RBMS2: variants seen among roughly 807,000 people sequenced by gnomAD.
RBMS2 encodes RNA-binding motif, single-stranded-interacting protein 2.
RBMS2 carries 38 observed loss-of-function variants against 58.4 expected under a neutral mutation model. The observed-to-expected ratio is 0.65, with a 90% CI of 0.50 to 0.85. The LOEUF (loss-of-function observed/expected upper bound fraction) is 0.85, where lower values mean the gene tolerates loss of function less well. Ranked by LOEUF, RBMS2 falls within the 40% of genes least tolerant of loss-of-function variation. The pLI, the probability that RBMS2 is intolerant of heterozygous loss-of-function variation, is 0.00. For synonymous variants in RBMS2, 151 were observed against 180.7 expected (o/e 0.84, Z 1.32); for missense variants, 367 against 503.7 (o/e 0.73, Z 2.60).
At chr12:56,583,194 T>C (rs1252523362) in intron 9 of RBMS2, among the ~76,000 whole-genome samples, 1 of 152,208 alleles carries the variant, frequency 6.6e-6, no homozygotes, top group African/African-American at 2.4e-5. Context: ...TTCTGGGGGC[T>C]AGAGTCCCAG....
chr12:56,568,770 T>C (rs1881800779), intron 2 of RBMS2, among the ~76,000 whole-genome samples: 1 of 152,144 alleles, frequency 6.6e-6, no homozygotes, highest in Admixed American at 6.6e-5. Context: ...CCTCAAGTGA[T>C]CCTCCAGCCT....
At chr12:56,582,780 T>C (rs1239985579) in intron 9 of RBMS2, among the ~76,000 whole-genome samples, 2 of 152,204 alleles carry the variant, frequency 1.3e-5, no homozygotes, top group African/African-American at 4.8e-5. Context: ...GCGATTCTCC[T>C]GTTTTAGCCT....
At chr12:56,538,394 C>T (rs1392847197) in intron 1 of RBMS2, among the ~76,000 whole-genome samples, 1 of 150,414 alleles carries the variant, frequency 6.6e-6, no homozygotes, top group Non-Finnish European at 1.5e-5. Context: ...TGAGCCACTA[C>T]ACCTAGCCCA....
At position 56,581,755 on chromosome 12, in the gene RBMS2, C is replaced by T. The variant is rs999827056; in HGVS notation, c.733-78C>T. 20 of 1,524,976 alleles carry T rather than the reference C, an allele frequency of 1.3e-5. No homozygotes were observed. The African/African-American group carries it at 2.8e-4, about 21-fold the overall frequency. 94.5% of individuals were successfully genotyped at this position (1,524,976 alleles called of 1,614,324 possible). A position where few individuals can be genotyped will look rare whatever the true frequency, so the allele number is the denominator to read the frequency against. On this transcript the variant is annotated intron_variant, in intron 7 of 13. Transcript: ENST00000262031. ...TTTAATTTGTTAAACCAAAACATTC[C>T]CAGCCTTGGACATTCTGGGCCAGCT...
Position 56,562,527 on chromosome 12 carries a change from C to T in RBMS2, c.177C>T (p.Tyr59=), listed in dbSNP as rs777429047. Residue 59 remains tyrosine (Y), a synonymous_variant, in exon 2 of 14, where the codon TAC becomes TAT. Transcript: ENST00000262031. Reference sequence around the variant, plus strand: ...ACCAGCTGAGCAAAACCAACCTATACATCCGAGGATTGCAACCAGGCACTA... The same window carrying T: ...ACCAGCTGAGCAAAACCAACCTATATATCCGAGGATTGCAACCAGGCACTA... ...GNDQLSKTNL[Y]IRGLQPGTTD... The T allele has an allele frequency of 5.5e-5, 88 of 1,612,448 alleles. No homozygotes were observed. The highest frequency in any genetic ancestry group is 2.8e-5 in the Non-Finnish European group (33 of 1,178,548).
At chr12:56,530,552 G>A (rs995665277) in intron 1 of RBMS2, among the ~76,000 whole-genome samples, 11 of 150,972 alleles carry the variant, frequency 7.3e-5, no homozygotes, top group African/African-American at 2.7e-4. Flanking sequence ...TACAGATGGG[G>A]TCCCACTATA....
At chr12:56,530,350 CTTTTTTTTTTTTTTTT>C (rs71081373) in intron 1 of RBMS2, among the ~76,000 whole-genome samples, 4 of 63,774 alleles carry the variant, frequency 6.3e-5, no homozygotes, top group African/African-American at 2.0e-4. Flanking sequence ...TTTCTTTTTC[CTTTTTTTTTTTTTTTT>C]TTTTTTTTTT....
At position 56,571,766 on chromosome 12, in the gene RBMS2, G is replaced by A. The variant is rs1426138982; in HGVS notation, c.453G>A (p.Leu151=). 3 of 1,603,440 alleles carry A rather than the reference G, an allele frequency of 1.9e-6. No individual in the cohort carries two copies. In the South Asian group the frequency reaches 3.3e-5, roughly 18 times the overall value. ...CACTGTCAATGGATGAGCAGGAACT[G>A]GAGGGGATGCTGAAGCCCTTTGGCC... is the stretch of plus-strand genomic sequence containing the variant. ...NLPLSMDEQE[L]EGMLKPFGQV... Residue 151 remains leucine, a synonymous_variant, in exon 5 of 14, where the codon CTG becomes CTA. Coordinates refer to ENST00000262031, the MANE Select transcript of RBMS2 (RefSeq NM_002898.4).
chr12:56,567,096 A>G (rs778843478), intron 2 of RBMS2, among the ~76,000 whole-genome samples: 7 of 152,142 alleles, frequency 4.6e-5, no homozygotes, highest in African/African-American at 7.2e-5. Flanking sequence ...ACAAAAATCT[A>G]TAACTTGGCC....
chr12:56,540,631 C>T (rs913532488), intron 1 of RBMS2, among the ~76,000 whole-genome samples: 19 of 152,208 alleles, frequency 1.2e-4, no homozygotes, highest in African/African-American at 4.6e-4. Flanking sequence ...CCTCCCACCT[C>T]AGTCTTCAGA....
At position 56,571,745 on chromosome 12, in the gene RBMS2, G is replaced by A. The variant is rs1399515531; in HGVS notation, c.432G>A (p.Leu144=). Residue 144 remains leucine (L), a synonymous_variant, in exon 5 of 14, where the codon CTG becomes CTA. Transcript: ENST00000262031. ...PTNLYISNLP[L]SMDEQELEGM... ...ATTTATACATCTCAAACCTCCCACT[G>A]TCAATGGATGAGCAGGAACTGGAGG... The A allele has an allele frequency of 6.3e-7, 1 of 1,596,532 alleles. No individual in the cohort carries two copies. The highest frequency in any genetic ancestry group is 1.3e-5 in the African/African-American group (1 of 74,212).
At position 56,572,039 on chromosome 12, in the gene RBMS2, A is replaced by T. The variant is rs747679798; in HGVS notation, c.542+184A>T. Among the ~76,000 whole-genome samples, 3 of 152,176 alleles carry T rather than the reference A, an allele frequency of 2.0e-5. No homozygotes were observed. The East Asian group carries it at 5.8e-4, about 29-fold the overall frequency. ...TGCGGTGGCTTACACCTGTAATCCCAGCACTTTAGGAGGCCAAGGCAGGCA... is the reference window on the plus strand; with the variant it reads ...TGCGGTGGCTTACACCTGTAATCCCTGCACTTTAGGAGGCCAAGGCAGGCA... On this transcript the variant is annotated intron_variant, in intron 5 of 13. Transcript: ENST00000262031.
At chr12:56,522,181 A>G (rs1871829908) in intron 1 of RBMS2, 92 bp downstream of exon 1, 3 of 1,042,736 alleles carry the variant, frequency 2.9e-6, no homozygotes, top group Middle Eastern at 2.1e-4. Flanking sequence ...AAAGAGGGGA[A>G]GGGGCTTCCT....
intron 9 of RBMS2, among the ~76,000 whole-genome samples, chr12:56,585,043 A>G (rs1235029220): frequency 6.6e-6 from 1 of 152,004 alleles, no homozygotes; most frequent in Non-Finnish European, 1.5e-5. Context: ...GGCTGGTCTC[A>G]AACTCCCAAC....
At chr12:56,529,853 A>T (rs1193510253) in intron 1 of RBMS2, among the ~76,000 whole-genome samples, 1 of 152,108 alleles carries the variant, frequency 6.6e-6, no homozygotes, top group Non-Finnish European at 1.5e-5. Flanking sequence ...GGGATAATGA[A>T]ATGTTCTAAA....
chr12:56,588,000 G>A (rs1033777024), intron 11 of RBMS2, among the ~76,000 whole-genome samples: 1 of 152,148 alleles, frequency 6.6e-6, no homozygotes, highest in Non-Finnish European at 1.5e-5. Flanking sequence ...TTTCTTTTAG[G>A]CCTACTGCAT....
At chr12:56,578,912 C>T (rs61939872) in intron 5 of RBMS2, among the ~76,000 whole-genome samples, 3 of 151,916 alleles carry the variant, frequency 2.0e-5, no homozygotes, top group East Asian at 1.9e-4. Context: ...TGCAGTGAGC[C>T]GAGATTGCAC....
At chr12:56,565,593 G>T (rs1048587225) in intron 2 of RBMS2, among the ~76,000 whole-genome samples, 6 of 152,182 alleles carry the variant, frequency 3.9e-5, no homozygotes, top group African/African-American at 1.4e-4. Context: ...GGACTGTGGA[G>T]AGGCAGGAGT....
rs140935151 is a variant in RBMS2, at chr12:56,534,056, G to C, written c.66+11967G>C. Among the ~76,000 whole-genome samples, 836 of 152,186 alleles carry C rather than the reference G, an allele frequency of 5.5e-3. 10 individuals carry two copies. The highest frequency in any genetic ancestry group is 0.019 in the African/African-American group (797 of 41,522). ...CTGGGATTTGAACCCGGGTAATCTA[G>C]TTCCAAATCTGTGCTTGCAACCACT... On this transcript the variant is annotated intron_variant, in intron 1 of 13. Transcript: ENST00000262031.
Sources: allele counts gnomAD v4.1 joint callset (sites outside exome capture counted in the v4.1 genomes callset), GRCh38; gene constraint gnomAD v4.1.1; transcripts MANE v1.5; gene names NCBI Gene and HGNC (gene_info 2026-07-23, HGNC 2026-07-21).